PI4K2B: variants seen among roughly 807,000 people sequenced by gnomAD.
The protein encoded by PI4K2B is phosphatidylinositol 4-kinase type 2-beta.
Under a neutral mutation model 56.6 loss-of-function variants are expected in PI4K2B, and 46 were observed. The ratio of observed to expected loss-of-function variants is 0.81; its 90% CI spans 0.64 to 1.04. The LOEUF (loss-of-function observed/expected upper bound fraction) is 1.04. PI4K2B is among the 50% of genes least tolerant of loss of function. PI4K2B has a pLI of 0.00. For missense variants in PI4K2B, 556 were observed against 607.7 expected (o/e 0.91, Z 0.89); for synonymous variants, 211 against 223.8 (o/e 0.94, Z 0.51).
intron 1 of PI4K2B, among the ~76,000 whole-genome samples, chr4:25,239,331 C>T (rs1451404183): frequency 6.6e-6 from 1 of 152,146 alleles, no homozygotes; most frequent in Non-Finnish European, 1.5e-5. Flanking sequence ...TGCAGGATCC[C>T]ACAGCAGCAG....
chr4:25,235,476 G>A (rs895550660), intron 1 of PI4K2B, among the ~76,000 whole-genome samples: 3 of 152,212 alleles, frequency 2.0e-5, no homozygotes, highest in Non-Finnish European at 4.4e-5. Flanking sequence ...TCAAGTTCTA[G>A]CTAGAGGCTA....
intron 1 of PI4K2B, among the ~76,000 whole-genome samples, chr4:25,247,187 A>ATC (rs987932796): frequency 6.6e-6 from 1 of 152,242 alleles, no homozygotes; most frequent in Non-Finnish European, 1.5e-5. Flanking sequence ...GTATTGTCTT[A>ATC]TCTAGGTTCA....
intron 1 of PI4K2B, among the ~76,000 whole-genome samples, chr4:25,247,337 A>G (rs1012283744): frequency 6.6e-6 from 1 of 152,272 alleles, no homozygotes; most frequent in Admixed American, 6.5e-5. Context: ...ACCAGTGCAT[A>G]TAATACATTG....
intron 1 of PI4K2B, among the ~76,000 whole-genome samples, chr4:25,246,012 G>A (rs190574387): frequency 1.3e-3 from 205 of 152,176 alleles, no homozygotes; most frequent in African/African-American, 2.1e-3. Flanking sequence ...CAGTGTGTCC[G>A]GAGTTTGTTC....
In PI4K2B at chr4:25,269,205, TA is replaced by T; in HGVS notation, c.1272+4del. 1 of 1,505,882 alleles carries T rather than the reference TA, an allele frequency of 6.6e-7. No individual in the cohort carries two copies. The highest frequency in any genetic ancestry group is 9.2e-7 in the Non-Finnish European group (1 of 1,083,790). 93.3% of individuals were successfully genotyped at this position (1,505,882 alleles called of 1,614,324 possible). On this transcript the variant is annotated splice_donor_region_variant and intron_variant, in intron 9 of 9. Coordinates refer to ENST00000264864, the MANE Select transcript of PI4K2B (RefSeq NM_018323.4). ...CAGATGTCTGTGATGAGGGGTCAGG[TA>T]AGTTACCTTTTTATTTGTTCATAAG...
chr4:25,271,500 G>C (rs1235892764), intron 9 of PI4K2B, among the ~76,000 whole-genome samples: 2 of 152,168 alleles, frequency 1.3e-5, no homozygotes, highest in Non-Finnish European at 2.9e-5. Context: ...TAGTAGACGA[G>C]GAGATGACAG....
Position 25,262,055 on chromosome 4 carries a change from G to T in PI4K2B, c.978+1464G>T, listed in dbSNP as rs569261895. On this transcript the variant is annotated intron_variant, in intron 6 of 9. Transcript: ENST00000264864. The stretch of plus-strand genomic sequence containing the variant: ...TCATGCCTGTAATCACAGCACTTTG[G>T]GACGCCAAGGTGGGAGGATTGATTG... 7.2e-5 allele frequency among the ~76,000 whole-genome samples: 11 copies of T among 152,254 alleles called. 1 individual carries two copies. The highest frequency in any genetic ancestry group is 2.4e-4 in the African/African-American group (10 of 41,530).
intron 8 of PI4K2B, 57 bp downstream of exon 8, chr4:25,268,633 C>T: frequency 8.1e-7 from 1 of 1,239,796 alleles, no homozygotes; most frequent in East Asian, 2.4e-5. Flanking sequence ...ATAGAAGAGA[C>T]TGCTTAATAG....
rs1266497910 is a variant in PI4K2B at position 25,234,321 on chromosome 4, C to A, written c.158C>A (p.Ala53Asp). Residue 53 changes from alanine to aspartate, a missense_variant, in exon 1 of 10, where the codon GCC (alanine) becomes GAC (aspartate). Ala to Asp is a moderately radical substitution (Grantham distance 126). Transcript: ENST00000264864. Reference sequence around the variant, plus strand: ...AGCGCCGTGAGGCTGCTGGACGCTGCCGGGGAGGAGGGCGAGGCCGGCGAC... The same window carrying A: ...AGCGCCGTGAGGCTGCTGGACGCTGACGGGGAGGAGGGCGAGGCCGGCGAC... ...PGSAVRLLDA[A>D]GEEGEAGDEE... 2 of 1,413,810 alleles carry A rather than the reference C, an allele frequency of 1.4e-6. No homozygotes were observed. The highest frequency in any genetic ancestry group is 1.9e-6 in the Non-Finnish European group (2 of 1,080,916). 87.6% of individuals were successfully genotyped at this position (1,413,810 alleles called of 1,614,324 possible).
intron 1 of PI4K2B, among the ~76,000 whole-genome samples, chr4:25,239,848 A>C (rs1048066179): frequency 1.2e-4 from 18 of 152,164 alleles, no homozygotes; most frequent in Non-Finnish European, 1.9e-4. Flanking sequence ...TTGGCCAATG[A>C]CTGCTCTAGC....
In PI4K2B at chr4:25,263,579, A is replaced by G. The variant is rs566839142; in HGVS notation, c.979-171A>G. ...TGGTTAGGAAATACACTGTTTTTTCAGACAGTCTCTTCCATTCCTGTGTGA... is the reference window on the plus strand; with the variant it reads ...TGGTTAGGAAATACACTGTTTTTTCGGACAGTCTCTTCCATTCCTGTGTGA... On this transcript the variant is annotated intron_variant, in intron 6 of 9. Transcript: ENST00000264864. 3.3e-5 allele frequency among the ~76,000 whole-genome samples: 5 copies of G among 152,256 alleles called. No individual in the cohort carries two copies. In the East Asian group the frequency reaches 9.6e-4, roughly 29 times the overall value.
intron 7 of PI4K2B, among the ~76,000 whole-genome samples, chr4:25,265,059 G>A (rs1457147653): frequency 1.3e-5 from 2 of 151,694 alleles, no homozygotes; most frequent in African/African-American, 2.4e-5. Context: ...GCCGGGTGTG[G>A]TGACACATGC....
At position 25,236,396 on chromosome 4, in the gene PI4K2B, G is replaced by C. The variant is rs377107799; in HGVS notation, c.268+1965G>C. Reference sequence around the variant, plus strand: ...TGAAACCCTGCCTCTACTAAAAATAGAAAAATTAGCCAGGCATGGTGGCGG... The same window carrying C: ...TGAAACCCTGCCTCTACTAAAAATACAAAAATTAGCCAGGCATGGTGGCGG... On this transcript the variant is annotated intron_variant, in intron 1 of 9. Coordinates refer to ENST00000264864, the MANE Select transcript of PI4K2B (RefSeq NM_018323.4). 1.2e-3 allele frequency among the ~76,000 whole-genome samples: 179 copies of C among 151,926 alleles called. 2 individuals carry two copies. The South Asian group carries it at 0.022, about 18-fold the overall frequency.
At chr4:25,269,345 A>C in intron 9 of PI4K2B, 142 bp downstream of exon 9, 2 of 571,174 alleles carry the variant, frequency 3.5e-6, no homozygotes, top group South Asian at 4.7e-5. Flanking sequence ...ATTAGAAATG[A>C]AGTTGATTCG....
chr4:25,244,298 G>A (rs957911552), intron 1 of PI4K2B, among the ~76,000 whole-genome samples: 4 of 152,118 alleles, frequency 2.6e-5, no homozygotes, highest in African/African-American at 9.7e-5. Flanking sequence ...GATTAGAGGA[G>A]GATTATCATT....
chr4:25,262,723 G>A (rs992736852), intron 6 of PI4K2B, among the ~76,000 whole-genome samples: 10 of 151,508 alleles, frequency 6.6e-5, no homozygotes, highest in African/African-American at 2.4e-4. Context: ...AGAGCCGTGT[G>A]AACCACCGTG....
chr4:25,262,688 A>G (rs767615688), intron 6 of PI4K2B, among the ~76,000 whole-genome samples: 7 of 152,164 alleles, frequency 4.6e-5, no homozygotes, highest in African/African-American at 7.2e-5. Flanking sequence ...AAGTAAAGCA[A>G]TTCCAAAAAT....
At chr4:25,234,537 C>T (rs1283425096) in intron 1 of PI4K2B, 106 bp downstream of exon 1, 11 of 806,490 alleles carry the variant, frequency 1.4e-5, no homozygotes, top group Non-Finnish European at 1.8e-5. Context: ...GACGGGCTTT[C>T]CCCGCTCGCT....
At chr4:25,237,418 A>G (rs886187774) in intron 1 of PI4K2B, among the ~76,000 whole-genome samples, 1 of 151,812 alleles carries the variant, frequency 6.6e-6, no homozygotes, top group African/African-American at 2.4e-5. Context: ...CCTGTCACCC[A>G]GGCTGGATTG....
Sources: gnomAD v4.1 joint callset for allele counts (sites outside exome capture counted in the v4.1 genomes callset) on GRCh38, gnomAD v4.1.1 for gene constraint, MANE v1.5 for transcripts, NCBI Gene and HGNC (gene_info 2026-07-23, HGNC 2026-07-21) for gene names.